TLN2: variants seen among roughly 807,000 people sequenced by gnomAD.
The protein encoded by TLN2 is talin-2.
In TLN2, 118 loss-of-function variants were observed where a neutral mutation model predicts 294.7. The observed-to-expected ratio is 0.40, with a 90% CI of 0.34 to 0.47. The LOEUF is 0.47. Ranked by LOEUF, TLN2 falls within the 20% of genes least tolerant of loss-of-function variation. The pLI, the probability that TLN2 is intolerant of heterozygous loss-of-function variation, is 0.84. For missense variants in TLN2, 3,083 were observed against 3,282.2 expected (o/e 0.94, Z 1.48); for synonymous variants, 1,431 against 1,304.5 (o/e 1.10, Z -2.09).
rs548233827 is a variant in TLN2, at chr15:62,672,096, T to C, written c.789-1731T>C. 4.9e-4 allele frequency among the ~76,000 whole-genome samples: 74 copies of C among 152,308 alleles called. 1 individual carries two copies. The East Asian group carries it at 6.7e-3, about 14-fold the overall frequency. The stretch of plus-strand genomic sequence containing the variant: ...TAAAAAGTTCCCGATCAAGTTGTTA[T>C]TTTTTTGTCTTATAGCCGTTGAAAT... On this transcript the variant is annotated intron_variant, in intron 9 of 58. Coordinates refer to ENST00000636159, the MANE Select transcript of TLN2 (RefSeq NM_015059.3).
chr15:62,660,748 T>C (rs752144465), intron 9 of TLN2, among the ~76,000 whole-genome samples: 2 of 152,220 alleles, frequency 1.3e-5, no homozygotes, highest in Admixed American at 1.3e-4. Context: ...CATTGAGAAC[T>C]TGCAGATGTG....
intron 1 of TLN2, among the ~76,000 whole-genome samples, chr15:62,419,508 C>T (rs766464262): frequency 2.6e-4 from 39 of 152,182 alleles, no homozygotes; most frequent in Non-Finnish European, 5.0e-4. Context: ...ATTGGAGCAC[C>T]CTCCTGACCT....
chr15:62,402,722 G>T (rs2033120076), intron 1 of TLN2, among the ~76,000 whole-genome samples: 1 of 152,168 alleles, frequency 6.6e-6, no homozygotes, highest in Non-Finnish European at 1.5e-5. Flanking sequence ...CCACTTCTCA[G>T]CTGATGACCT....
intron 52 of TLN2, among the ~76,000 whole-genome samples, chr15:62,817,542 A>T (rs1209620869): frequency 2.0e-5 from 3 of 152,220 alleles, no homozygotes; most frequent in Non-Finnish European, 4.4e-5. Context: ...GCGTACGCAT[A>T]ATGTCATCTG....
chr15:62,584,228 C>T (rs1181779552), intron 1 of TLN2, among the ~76,000 whole-genome samples: 1 of 152,218 alleles, frequency 6.6e-6, no homozygotes, highest in Non-Finnish European at 1.5e-5. Flanking sequence ...TACTCATAAT[C>T]AACATGAGCA....
intron 1 of TLN2, among the ~76,000 whole-genome samples, chr15:62,428,080 C>A (rs539916141): frequency 6.6e-6 from 1 of 152,168 alleles, no homozygotes; most frequent in Non-Finnish European, 1.5e-5. Flanking sequence ...CACCACCCCC[C>A]CTCCACAATT....
intron 1 of TLN2, among the ~76,000 whole-genome samples, chr15:62,493,082 G>A (rs968465079): frequency 4.6e-5 from 7 of 152,266 alleles, no homozygotes; most frequent in East Asian, 3.9e-4. Context: ...GTGCTTGGTC[G>A]GATGTTCATG....
chr15:62,473,478 C>T (rs1190898798), intron 1 of TLN2, among the ~76,000 whole-genome samples: 4 of 152,236 alleles, frequency 2.6e-5, no homozygotes, highest in Middle Eastern at 3.4e-3. Context: ...AAGTCCTTCC[C>T]ATCTCAACTT....
In TLN2 at chr15:62,724,349, G is replaced by A. The variant is rs548532608; in HGVS notation, c.3127-627G>A. On this transcript the variant is annotated intron_variant, in intron 26 of 58. Transcript: ENST00000636159. ...AGAAATGAAAATGTACCAGTATTTA[G>A]TATACTGATCAATAATTACACGTTT... 5.3e-5 allele frequency among the ~76,000 whole-genome samples: 8 copies of A among 152,218 alleles called. No individual in the cohort carries two copies. In the East Asian group the frequency reaches 1.3e-3, roughly 26 times the overall value.
chr15:62,399,252 C>CA (rs1275645462), intron 1 of TLN2, among the ~76,000 whole-genome samples: 146 of 2,572 alleles, frequency 0.057, 3 homozygotes, highest in Admixed American at 0.22. Context: ...GACTCCGTCT[C>CA]AAACAAAAAA....
intron 2 of TLN2, among the ~76,000 whole-genome samples, chr15:62,595,933 A>G (rs959034257): frequency 6.6e-6 from 1 of 152,186 alleles, no homozygotes; most frequent in Non-Finnish European, 1.5e-5. Flanking sequence ...AGTTAGATAT[A>G]AAGAATAAGT....
intron 52 of TLN2, among the ~76,000 whole-genome samples, chr15:62,810,967 C>G (rs1322380139): frequency 2.0e-5 from 3 of 152,216 alleles, no homozygotes; most frequent in Non-Finnish European, 4.4e-5. Context: ...TTTTCTCATT[C>G]TGTCCTTGCG....
chr15:62,717,775 A>G (rs1243215511), intron 24 of TLN2, 86 bp downstream of exon 24: 5 of 972,060 alleles, frequency 5.1e-6, no homozygotes, highest in Non-Finnish European at 7.2e-6. Context: ...AGTTCAGTAA[A>G]GACAGATTAT....
intron 1 of TLN2, among the ~76,000 whole-genome samples, chr15:62,441,494 T>G (rs1232773399): frequency 6.6e-6 from 1 of 152,200 alleles, no homozygotes; most frequent in Non-Finnish European, 1.5e-5. Flanking sequence ...AGATATTATT[T>G]CCTACTCTCT....
At chr15:62,723,825 C>T (rs2060288154) in intron 26 of TLN2, among the ~76,000 whole-genome samples, 2 of 151,126 alleles carry the variant, frequency 1.3e-5, no homozygotes, top group South Asian at 4.3e-4. Flanking sequence ...GTTAGGATTA[C>T]AGGCGTGAGC....
In TLN2 at chr15:62,664,793, G is replaced by A. The variant is rs532507307; in HGVS notation, c.788+6895G>A. Among the ~76,000 whole-genome samples, 3 of 134,656 alleles carry A rather than the reference G, an allele frequency of 2.2e-5. No homozygotes were observed. The East Asian group carries it at 7.5e-4, about 34-fold the overall frequency. The allele number at this position is 134,656 out of a possible 152,430, so 88.3% of individuals were successfully genotyped here. On this transcript the variant is annotated intron_variant, in intron 9 of 58. Transcript: ENST00000636159. ...GAATCACTTGAACCTGGGAGGCGGA[G>A]GTTGCAGTGAGCTGAGATATGCATC...
At chr15:62,718,938 C>T (rs759600102) in intron 24 of TLN2, among the ~76,000 whole-genome samples, 3 of 152,054 alleles carry the variant, frequency 2.0e-5, no homozygotes, top group Non-Finnish European at 4.4e-5. Context: ...AACTGGCAGT[C>T]CTAAAGGGGG....
At chr15:62,528,592 C>T (rs932514777) in intron 1 of TLN2, among the ~76,000 whole-genome samples, 7 of 150,910 alleles carry the variant, frequency 4.6e-5, no homozygotes, top group African/African-American at 1.5e-4. Context: ...CATACTTCCT[C>T]TGTTAGAGAA....
At chr15:62,564,693 G>C (rs1468809886) in intron 1 of TLN2, among the ~76,000 whole-genome samples, 1 of 152,038 alleles carries the variant, frequency 6.6e-6, no homozygotes, top group East Asian at 1.9e-4. Flanking sequence ...GATCACTTGA[G>C]GCCAGGAGTT....
Sources: gnomAD v4.1 joint callset for allele counts (sites outside exome capture counted in the v4.1 genomes callset) on GRCh38, gnomAD v4.1.1 for gene constraint, MANE v1.5 for transcripts, NCBI Gene and HGNC (gene_info 2026-07-23, HGNC 2026-07-21) for gene names.